The following ZNF483 variants were observed in gnomAD, a reference collection of about 807,000 sequenced individuals.
The protein encoded by ZNF483 is zinc finger protein HIT-10.
ZNF483 carries 9 observed loss-of-function variants against 28.6 expected under a neutral mutation model. The ratio of observed to expected loss-of-function variants is 0.32; its 90% CI spans 0.19 to 0.55. The LOEUF (loss-of-function observed/expected upper bound fraction) is 0.55, where lower values mean the gene tolerates loss of function less well. ZNF483 is among the 20% of genes least tolerant of loss of function. The pLI is 0.93. For synonymous variants in ZNF483, 322 were observed against 306.2 expected, an observed-to-expected ratio of 1.05 and a Z score of -0.54; for missense variants, 675 against 871.7, an observed-to-expected ratio of 0.77 and a Z score of 2.84.
At chr9:111,562,390 C>T (rs1345589184) in intron 5 of ZNF483, among the ~76,000 whole-genome samples, 2 of 151,372 alleles carry the variant, frequency 1.3e-5, no homozygotes, top group Non-Finnish European at 2.9e-5. Flanking sequence ...AGTCTCCTGT[C>T]TCAGCCTCCC....
At chr9:111,570,187 G>C in intron 5 of ZNF483, 1 of 1,614,028 alleles carries the variant, frequency 6.2e-7, no homozygotes, top group South Asian at 1.1e-5. Flanking sequence ...GCTCCTGATA[G>C]ATAACAATCT....
Position 111,554,875 on chromosome 9 carries a change from AGTCC to A in ZNF483, c.*11706_*11709del, listed in dbSNP as rs1828076542. ...TAATCTGCTCAGGGTCTACAACTGAAGTCCAGGGTCTTTGAGTTAGATGCTTTGA... is the reference window on the plus strand; with the variant it reads ...TAATCTGCTCAGGGTCTACAACTGAAAGGGTCTTTGAGTTAGATGCTTTGA... On this transcript the variant is annotated 3_prime_UTR_variant, in exon 6 of 6. Coordinates refer to ENST00000309235, the MANE Select transcript of ZNF483 (RefSeq NM_133464.5). 6.6e-6 allele frequency among the ~76,000 whole-genome samples: 1 copy of A among 152,212 alleles called. No individual in the cohort carries two copies.
intron 2 of ZNF483, among the ~76,000 whole-genome samples, chr9:111,529,762 T>G (rs1296941257): frequency 1.3e-5 from 2 of 152,230 alleles, no homozygotes; most frequent in South Asian, 2.1e-4. Flanking sequence ...CAGGAAACTT[T>G]TATCTATGGC....
At chr9:111,537,999 C>CT (rs1827560464) in intron 5 of ZNF483, among the ~76,000 whole-genome samples, 1 of 152,098 alleles carries the variant, frequency 6.6e-6, no homozygotes. Flanking sequence ...CAAGTACGGC[C>CT]TGTAAGTGTG....
rs574111721 is a variant in ZNF483, at chr9:111,547,171, G to GTA, written c.*4005_*4006dup. Reference sequence around the variant, plus strand: ...TCAGTGGTGCTTTCTGTTCTTTTAAGTATATGCCTAGAAATAGAATTGCTG... The same window carrying GTA: ...TCAGTGGTGCTTTCTGTTCTTTTAAGTATATATGCCTAGAAATAGAATTGCTG... On this transcript the variant is annotated 3_prime_UTR_variant, in exon 6 of 6. Transcript: ENST00000309235. Among the ~76,000 whole-genome samples the GTA allele has an allele frequency of 2.8e-4, 42 of 152,210 alleles. No individual in the cohort carries two copies. The South Asian group carries it at 8.5e-3, about 31-fold the overall frequency.
At chr9:111,562,276 CTTT>C (rs35900341) in intron 5 of ZNF483, among the ~76,000 whole-genome samples, 4 of 140,496 alleles carry the variant, frequency 2.8e-5, no homozygotes, top group Non-Finnish European at 3.1e-5. Context: ...AAGCAGTAAA[CTTT>C]TTTTTTTTTT....
At chr9:111,568,681 A>G (rs1003624568) in intron 5 of ZNF483, among the ~76,000 whole-genome samples, 1 of 152,170 alleles carries the variant, frequency 6.6e-6, no homozygotes, top group African/African-American at 2.4e-5. Flanking sequence ...GGTGGGTATC[A>G]CGGTCCTACT....
Position 111,543,593 on chromosome 9 carries a change from A to G in ZNF483, c.*423A>G, listed in dbSNP as rs1827726793. ...AGAATTTTATTTTCGTCACCAGCAGAATGAAGGGATGGGATTAATGATTTT... is the reference window on the plus strand; with the variant it reads ...AGAATTTTATTTTCGTCACCAGCAGGATGAAGGGATGGGATTAATGATTTT... On this transcript the variant is annotated 3_prime_UTR_variant, in exon 6 of 6. Transcript: ENST00000309235. 1.0e-6 allele frequency: 1 copy of G among 988,352 alleles called. No individual in the cohort carries two copies. The highest frequency in any genetic ancestry group is 4.7e-5 in the South Asian group (1 of 21,324). The allele number at this position is 988,352 out of a possible 1,614,324, so 61.2% of individuals were successfully genotyped here.
chr9:111,563,387 G>A, intron 5 of ZNF483: 1 of 666,522 alleles, frequency 1.5e-6, no homozygotes, highest in South Asian at 2.4e-5. Context: ...TCAAGGTGGG[G>A]CAAGATCCAC....
intron 2 of ZNF483, 72 bp downstream of exon 2, chr9:111,527,879 A>G: frequency 1.2e-6 from 2 of 1,612,062 alleles, no homozygotes; most frequent in Middle Eastern, 1.6e-4. Context: ...CCTCAAAAGA[A>G]GGCAATTTAC....
At chr9:111,526,758 A>G (rs1055610990) in intron 1 of ZNF483, among the ~76,000 whole-genome samples, 1 of 152,118 alleles carries the variant, frequency 6.6e-6, no homozygotes, top group Non-Finnish European at 1.5e-5. Flanking sequence ...ATTCAATCTA[A>G]AGCAACTGTT....
intron 5 of ZNF483, chr9:111,563,206 A>G (rs1312035720): frequency 4.3e-6 from 7 of 1,613,682 alleles, no homozygotes; most frequent in Non-Finnish European, 5.9e-6. Context: ...TCCTTCAATG[A>G]TATATTCCTT....
chr9:111,530,463 A>C (rs1306811832), intron 2 of ZNF483, among the ~76,000 whole-genome samples: 2 of 151,958 alleles, frequency 1.3e-5, no homozygotes, highest in African/African-American at 4.8e-5. Flanking sequence ...GGGAACCCCA[A>C]TTTGTATCTT....
chr9:111,548,795 TA>T lies in ZNF483; in HGVS notation c.*5626del, dbSNP rs1444639524. Among the ~76,000 whole-genome samples the T allele has an allele frequency of 2.0e-5, 3 of 149,262 alleles. No homozygotes were observed. Among genetic ancestry groups the T allele is most frequent in the African/African-American group, 7.6e-5 (3 of 39,726 alleles). ...TCTTGTTTGAAGGACAGTTTTGCTG[TA>T]TATAGAATTCTCAGTTGACAGTTTT... On this transcript the variant is annotated 3_prime_UTR_variant, in exon 6 of 6. Coordinates refer to ENST00000309235, the MANE Select transcript of ZNF483 (RefSeq NM_133464.5).
In ZNF483 at chr9:111,554,079, C is replaced by T. The variant is rs1828049144; in HGVS notation, c.*10909C>T. Among the ~76,000 whole-genome samples the T allele has an allele frequency of 6.6e-6, 1 of 152,178 alleles. No individual in the cohort carries two copies. Among genetic ancestry groups the T allele is most frequent in the African/African-American group, 2.4e-5 (1 of 41,450 alleles). ...AAACTCGGTGCCAAGGTTTCCCATT[C>T]CACTCTAGAGATCTCACACAGGCTT... On this transcript the variant is annotated 3_prime_UTR_variant, in exon 6 of 6. Coordinates refer to ENST00000309235, the MANE Select transcript of ZNF483 (RefSeq NM_133464.5).
At position 111,552,401 on chromosome 9, in the gene ZNF483, T is replaced by C. The variant is rs1400540660; in HGVS notation, c.*9231T>C. Among the ~76,000 whole-genome samples, 1 of 152,136 alleles carries C rather than the reference T, an allele frequency of 6.6e-6. No homozygotes were observed. The highest frequency in any genetic ancestry group is 1.5e-5 in the Non-Finnish European group (1 of 68,004). ...GTTTCTTGGAGTCTGCTTCAGAAAA[T>C]TGAACACAAATATTTTCAGTATGTA... On this transcript the variant is annotated 3_prime_UTR_variant, in exon 6 of 6. Transcript: ENST00000309235.
chr9:111,546,939 T>C lies in ZNF483; in HGVS notation c.*3769T>C, dbSNP rs1827822734. Reference sequence around the variant, plus strand: ...TTGGTATGAATGGAATCATACAATATTTGCCCTGTTGTGTTTGGCTTATTC... The same window carrying C: ...TTGGTATGAATGGAATCATACAATACTTGCCCTGTTGTGTTTGGCTTATTC... On this transcript the variant is annotated 3_prime_UTR_variant, in exon 6 of 6. Transcript: ENST00000309235. Among the ~76,000 whole-genome samples the C allele has an allele frequency of 6.6e-6, 1 of 152,210 alleles. No individual in the cohort carries two copies. The highest frequency in any genetic ancestry group is 1.5e-5 in the Non-Finnish European group (1 of 68,032).
chr9:111,555,303 C>G lies in ZNF483; in HGVS notation c.*12133C>G, dbSNP rs184473781. On this transcript the variant is annotated 3_prime_UTR_variant, in exon 6 of 6. Coordinates refer to ENST00000309235, the MANE Select transcript of ZNF483 (RefSeq NM_133464.5). The stretch of plus-strand genomic sequence containing the variant: ...AATAAGGTAGGAGTGGCATTTTGAG[C>G]TCAAACTGTTCTGTGCACATTTTCA... 3.6e-3 allele frequency among the ~76,000 whole-genome samples: 553 copies of G among 152,188 alleles called. 17 individuals are homozygous for G. Among genetic ancestry groups the G allele is most frequent in the Admixed American group, 0.032 (493 of 15,284 alleles).
chr9:111,533,208 T>A (rs1827393738), intron 3 of ZNF483, among the ~76,000 whole-genome samples: 1 of 152,234 alleles, frequency 6.6e-6, no homozygotes, highest in Non-Finnish European at 1.5e-5. Flanking sequence ...GTGAACTTGA[T>A]CAATGTTACA....
Sources: allele counts gnomAD v4.1 joint callset (sites outside exome capture counted in the v4.1 genomes callset), GRCh38; gene constraint gnomAD v4.1.1; transcripts MANE v1.5; gene names NCBI Gene and HGNC (gene_info 2026-07-23, HGNC 2026-07-21).